NHERF2: variants seen among roughly 807,000 people sequenced by gnomAD.
NHERF2 encodes the protein NHERF family PDZ scaffold protein 2.
the NHERF2 span, chr16:2,038,404 C>A: frequency 2.8e-6 from 1 of 355,032 alleles, no homozygotes; most frequent in South Asian, 2.0e-5. Flanking sequence ...CCAGAGACCC[C>A]CCCCCTTCCC....
chr16:2,032,745 G>A, the NHERF2 span: 73 of 902,956 alleles, frequency 8.1e-5, no homozygotes, highest in Non-Finnish European at 9.4e-5. This position sits in a 1 kb window ranked among gnomAD's most constrained non-coding sequence, Gnocchi z 4.0. Context: ...GGGGGTGGCC[G>A]CAGCTGCAGT....
At chr16:2,027,765 G>T in the NHERF2 span, among the ~76,000 whole-genome samples, 1 of 152,126 alleles carries the variant, frequency 6.6e-6, no homozygotes, top group African/African-American at 2.4e-5. Context: ...TGGACTCCTG[G>T]GCGTATGGGA....
the NHERF2 span, among the ~76,000 whole-genome samples, chr16:2,031,481 C>T: frequency 5.9e-5 from 9 of 152,314 alleles, no homozygotes; most frequent in East Asian, 1.9e-4. Flanking sequence ...ATCCGGCCCT[C>T]GGACTTTATC....
the NHERF2 span, chr16:2,036,646 A>G: frequency 6.4e-7 from 1 of 1,570,222 alleles, no homozygotes; most frequent in South Asian, 1.1e-5. Context: ...GGCTGTGATG[A>G]ATATTTGATG....
the NHERF2 span, among the ~76,000 whole-genome samples, chr16:2,031,140 G>T: frequency 6.6e-6 from 1 of 152,326 alleles, no homozygotes; most frequent in African/African-American, 2.4e-5. Context: ...GCTGAGCCCG[G>T]GGGGAGCGGC....
the NHERF2 span, chr16:2,036,913 CGG>C: frequency 6.3e-7 from 1 of 1,588,146 alleles, no homozygotes; most frequent in African/African-American, 1.3e-5. Flanking sequence ...AGGGTGGGTG[CGG>C]TGTGGTGGCT....
the NHERF2 span, among the ~76,000 whole-genome samples, chr16:2,028,858 C>T: frequency 2.0e-5 from 3 of 152,206 alleles, no homozygotes; most frequent in South Asian, 6.2e-4. Flanking sequence ...ACTTCACAGG[C>T]ACCTGCACGC....
At chr16:2,028,176 C>G in the NHERF2 span, among the ~76,000 whole-genome samples, 1 of 152,230 alleles carries the variant, frequency 6.6e-6, no homozygotes, top group Non-Finnish European at 1.5e-5. Flanking sequence ...ATGGCTGGTC[C>G]TGGAACCTAG....
At chr16:2,029,691 C>T in the NHERF2 span, 1 of 1,559,800 alleles carries the variant, frequency 6.4e-7, no homozygotes, top group Admixed American at 1.9e-5. Flanking sequence ...GAGGAGATGG[C>T]CCAGCGAGGG....
chr16:2,030,135 G>A, the NHERF2 span, among the ~76,000 whole-genome samples: 1 of 152,246 alleles, frequency 6.6e-6, no homozygotes, highest in Non-Finnish European at 1.5e-5. Context: ...CTGCGTGTGC[G>A]CAGCTCTGTG....
the NHERF2 span, chr16:2,027,238 C>G: frequency 7.9e-7 from 1 of 1,259,568 alleles, no homozygotes; most frequent in Non-Finnish European, 1.0e-6. Context: ...AGCGCTCGCC[C>G]CCGGCCCGCC....
At chr16:2,035,227 C>A in the NHERF2 span, among the ~76,000 whole-genome samples, 1 of 152,088 alleles carries the variant, frequency 6.6e-6, no homozygotes, top group Non-Finnish European at 1.5e-5. Flanking sequence ...AGAAGGACCC[C>A]CTTGCTCCCT....
chr16:2,028,874 C>T, the NHERF2 span, among the ~76,000 whole-genome samples: 1 of 152,204 alleles, frequency 6.6e-6, no homozygotes, highest in Admixed American at 6.5e-5. Context: ...CACGCACACA[C>T]CGACGGCCAC....
chr16:2,036,422 G>T, the NHERF2 span: 1 of 1,607,528 alleles, frequency 6.2e-7, no homozygotes, highest in Non-Finnish European at 8.5e-7. Context: ...ACAAGTCCCG[G>T]CCCGGCCAGT....
the NHERF2 span, chr16:2,033,042 G>T: frequency 7.9e-7 from 1 of 1,267,518 alleles, no homozygotes; most frequent in Non-Finnish European, 1.0e-6. Context: ...GTGTTCTGGG[G>T]CCGGGACTCC....
chr16:2,036,499 T>C, the NHERF2 span: 2 of 1,585,674 alleles, frequency 1.3e-6, no homozygotes, highest in South Asian at 1.1e-5. Flanking sequence ...GACCGGCTCA[T>C]TGAGGTACCG....
chr16:2,037,959 A>G, the NHERF2 span: 1 of 1,613,580 alleles, frequency 6.2e-7, no homozygotes, highest in Non-Finnish European at 8.5e-7. Flanking sequence ...TGGAACAGGA[A>G]GCGTGAAATC....
chr16:2,028,610 TG>T, the NHERF2 span, among the ~76,000 whole-genome samples: 1 of 152,178 alleles, frequency 6.6e-6, no homozygotes, highest in Non-Finnish European at 1.5e-5. Context: ...AGCTGGGCAC[TG>T]GGTTCCTCTT....
chr16:2,035,512 C>A, the NHERF2 span: 6 of 986,324 alleles, frequency 6.1e-6, no homozygotes, highest in East Asian at 1.1e-4. Context: ...TCAAGCTTGG[C>A]GCTCCCTGGA....
Sources: allele counts gnomAD v4.1 joint callset (sites outside exome capture counted in the v4.1 genomes callset), GRCh38; gene constraint gnomAD v4.1.1; non-coding constraint Gnocchi (gnomAD v3.1); transcripts MANE v1.5; gene names NCBI Gene and HGNC (gene_info 2026-07-23, HGNC 2026-07-21).